The following SCAND3 variants were observed in gnomAD, a reference collection of about 807,000 sequenced individuals.
SCAND3 encodes SCAN domain containing 3, also known as SCAN domain-containing protein 3.
chr6:28,601,518 C>T, the SCAND3 span, among the ~76,000 whole-genome samples: 1 of 152,128 alleles, frequency 6.6e-6, no homozygotes, highest in Non-Finnish European at 1.5e-5. Flanking sequence ...TACTCTCACT[C>T]TTGTTTTGAG....
chr6:28,589,626 T>G, the SCAND3 span: 1 of 152,134 alleles, frequency 6.6e-6, no homozygotes, highest in Non-Finnish European at 1.5e-5. Context: ...AGAAGAACGC[T>G]TTCAAAGCGT....
the SCAND3 span, among the ~76,000 whole-genome samples, chr6:28,592,271 A>T: frequency 6.6e-6 from 1 of 152,348 alleles, no homozygotes; most frequent in Non-Finnish European, 1.5e-5. The surrounding 1 kb of genome is among the most constrained non-coding windows in gnomAD (Gnocchi z 4.1). Flanking sequence ...TTAAACAATC[A>T]GTAGCATTTC....
At chr6:28,593,616 A>C in the SCAND3 span, 1 of 152,352 alleles carries the variant, frequency 6.6e-6, no homozygotes, top group African/African-American at 2.4e-5. Context: ...CGGAGATTGC[A>C]GTGAGCCGAG....
At chr6:28,586,173 G>T in the SCAND3 span, 21 of 738,558 alleles carry the variant, frequency 2.8e-5, no homozygotes, top group South Asian at 3.3e-4. This position sits in a 1 kb window ranked among gnomAD's most constrained non-coding sequence, Gnocchi z 4.4. Flanking sequence ...CTACACCAGT[G>T]ATCAAATAAG....
the SCAND3 span, chr6:28,586,229 C>T: frequency 7.5e-7 from 1 of 1,340,360 alleles, no homozygotes; most frequent in African/African-American, 1.5e-5. This position sits in a 1 kb window ranked among gnomAD's most constrained non-coding sequence, Gnocchi z 4.4. Flanking sequence ...CGCGAAATTA[C>T]TCCCATTACT....
the SCAND3 span, chr6:28,571,887 C>T: frequency 6.9e-6 from 11 of 1,604,628 alleles, no homozygotes; most frequent in Non-Finnish European, 9.3e-6. Flanking sequence ...GAACCAATAC[C>T]TTACATATCA....
chr6:28,602,846 A>G, the SCAND3 span, among the ~76,000 whole-genome samples: 1 of 152,148 alleles, frequency 6.6e-6, no homozygotes, highest in East Asian at 1.9e-4. Context: ...TATTTATGGA[A>G]AGCAAATCAC....
chr6:28,597,600 G>A, the SCAND3 span: 1 of 152,178 alleles, frequency 6.6e-6, no homozygotes. Flanking sequence ...CACCTAGAGT[G>A]GTTCAGTTAC....
At chr6:28,612,139 C>T in the SCAND3 span, among the ~76,000 whole-genome samples, 2 of 151,906 alleles carry the variant, frequency 1.3e-5, no homozygotes, top group Non-Finnish European at 2.9e-5. Context: ...CAGCTTCAAG[C>T]GATTCTCCTG....
chr6:28,603,978 C>G, the SCAND3 span, among the ~76,000 whole-genome samples: 1 of 152,100 alleles, frequency 6.6e-6, no homozygotes, highest in African/African-American at 2.4e-5. Context: ...ACAGGACTGC[C>G]CAGATTTCTT....
chr6:28,584,069 C>T, the SCAND3 span, among the ~76,000 whole-genome samples: 2 of 152,104 alleles, frequency 1.3e-5, no homozygotes, highest in Non-Finnish European at 2.9e-5. Context: ...CATTCCAGGC[C>T]TCTACAATAA....
chr6:28,579,567 G>A, the SCAND3 span: 1 of 759,378 alleles, frequency 1.3e-6, no homozygotes, highest in Non-Finnish European at 2.1e-6. The surrounding 1 kb of genome is among the most constrained non-coding windows in gnomAD (Gnocchi z 4.5). Flanking sequence ...GAAGAGAAAT[G>A]AAAAATGCTG....
chr6:28,608,500 C>T, the SCAND3 span, among the ~76,000 whole-genome samples: 1 of 151,212 alleles, frequency 6.6e-6, no homozygotes, highest in Admixed American at 6.6e-5. Flanking sequence ...CTCCACTGCC[C>T]CAACACAAAA....
the SCAND3 span, among the ~76,000 whole-genome samples, chr6:28,586,129 A>G: frequency 6.6e-6 from 1 of 152,196 alleles, no homozygotes; most frequent in Non-Finnish European, 1.5e-5. The surrounding 1 kb of genome is among the most constrained non-coding windows in gnomAD (Gnocchi z 4.4). Flanking sequence ...ATCATACACA[A>G]AAACTGTTAT....
the SCAND3 span, among the ~76,000 whole-genome samples, chr6:28,607,740 G>T: frequency 1.3e-5 from 2 of 152,138 alleles, no homozygotes; most frequent in African/African-American, 4.8e-5. Flanking sequence ...GTCTGTCATA[G>T]CATGGGGTGC....
the SCAND3 span, chr6:28,615,962 G>A: frequency 6.6e-6 from 1 of 152,158 alleles, no homozygotes; most frequent in Non-Finnish European, 1.5e-5. Flanking sequence ...CATCTGGAGG[G>A]GCTAGATGTG....
chr6:28,573,349 C>T, the SCAND3 span: 1 of 1,613,960 alleles, frequency 6.2e-7, no homozygotes, highest in Non-Finnish European at 8.5e-7. Flanking sequence ...TTCTTTGATG[C>T]AGTCTTTCAC....
the SCAND3 span, among the ~76,000 whole-genome samples, chr6:28,602,648 G>C: frequency 6.6e-6 from 1 of 152,126 alleles, no homozygotes; most frequent in Non-Finnish European, 1.5e-5. Context: ...TATTAGTCTA[G>C]TTACTGTTTT....
chr6:28,573,222 G>A, the SCAND3 span: 12 of 1,613,904 alleles, frequency 7.4e-6, no homozygotes, highest in Non-Finnish European at 9.3e-6. Flanking sequence ...TTTGTTCTAT[G>A]AGTTGATCTT....
Sources: gnomAD v4.1 joint callset for allele counts (sites outside exome capture counted in the v4.1 genomes callset) on GRCh38, gnomAD v4.1.1 for gene constraint, Gnocchi (gnomAD v3.1) non-coding constraint, MANE v1.5 for transcripts, NCBI Gene and HGNC (gene_info 2026-07-23, HGNC 2026-07-21) for gene names.